CTNND2: variants seen among roughly 807,000 people sequenced by gnomAD.
CTNND2 encodes catenin delta 2.
Under a neutral mutation model 144.4 loss-of-function variants are expected in CTNND2, and 22 were observed. The observed-to-expected ratio is 0.15, with a 90% confidence interval of 0.11 to 0.22. The LOEUF (loss-of-function observed/expected upper bound fraction) is 0.22. Among genes scored for constraint, CTNND2 ranks in the 10% least tolerant of loss-of-function variants. The pLI is 1.00. For missense variants in CTNND2, 1,353 were observed against 1,618.8 expected (o/e 0.84, Z 2.82); for synonymous variants, 751 against 695.6 (o/e 1.08, Z -1.25).
chr5:11,157,651 G>C (rs1580445349), intron 12 of CTNND2, among the ~76,000 whole-genome samples: 2 of 152,310 alleles, frequency 1.3e-5, no homozygotes, highest in African/African-American at 2.4e-5. Flanking sequence ...AGTGATCTTG[G>C]CTTTGTTGGA....
chr5:11,390,520 T>A (rs1759537368), intron 6 of CTNND2, among the ~76,000 whole-genome samples: 1 of 152,232 alleles, frequency 6.6e-6, no homozygotes, highest in Non-Finnish European at 1.5e-5. Context: ...CTCTAAGGAA[T>A]CTTGACTTCT....
chr5:11,200,874 T>C (rs1455858795), intron 10 of CTNND2, among the ~76,000 whole-genome samples: 1 of 151,800 alleles, frequency 6.6e-6, no homozygotes, highest in Non-Finnish European at 1.5e-5. Context: ...AGAGACAGGG[T>C]TTCACCGTAT....
At chr5:11,352,215 C>A (rs1368698228) in intron 8 of CTNND2, among the ~76,000 whole-genome samples, 1 of 152,108 alleles carries the variant, frequency 6.6e-6, no homozygotes, top group Non-Finnish European at 1.5e-5. Flanking sequence ...GTTTTCCCTG[C>A]TTTTATTGGA....
chr5:11,827,128 C>T (rs1478628110), intron 1 of CTNND2, among the ~76,000 whole-genome samples: 1 of 152,000 alleles, frequency 6.6e-6, no homozygotes, highest in Non-Finnish European at 1.5e-5. Context: ...AAAACATTCC[C>T]TCTAAACAAA....
At chr5:10,984,341 G>A (rs1022179308) in intron 20 of CTNND2, among the ~76,000 whole-genome samples, 1 of 152,212 alleles carries the variant, frequency 6.6e-6, no homozygotes, top group East Asian at 1.9e-4. Flanking sequence ...TCTGCCTTCA[G>A]AGCTATAATT....
chr5:11,839,754 A>G (rs1020151795), intron 1 of CTNND2, among the ~76,000 whole-genome samples: 3 of 151,400 alleles, frequency 2.0e-5, no homozygotes, highest in African/African-American at 7.3e-5. Context: ...TGTCTCCAGA[A>G]AGAGAGAGAG....
intron 18 of CTNND2, among the ~76,000 whole-genome samples, chr5:11,015,327 A>G (rs1332947873): frequency 6.6e-6 from 1 of 152,244 alleles, no homozygotes; most frequent in East Asian, 1.9e-4. Context: ...CACTGGGCAC[A>G]AAGATCTTCC....
At position 11,259,394 on chromosome 5, in the gene CTNND2, C is replaced by A. The variant is rs1205624555; in HGVS notation, c.1629-22571G>T. ...GAAGATGCTAGGTCAATTGCCCCTG[C>A]TGAGCTCCCAGTTGACAGCAGTTTC... On this transcript the variant is annotated intron_variant, in intron 9 of 21. Coordinates refer to ENST00000304623, the MANE Select transcript of CTNND2 (RefSeq NM_001332.4). Among the ~76,000 whole-genome samples the A allele has an allele frequency of 2.6e-5, 4 of 152,176 alleles. No individual in the cohort carries two copies. In the East Asian group the frequency reaches 7.7e-4, roughly 29 times the overall value.
intron 21 of CTNND2, among the ~76,000 whole-genome samples, chr5:10,974,609 C>A (rs1166413497): frequency 6.6e-6 from 1 of 152,124 alleles, no homozygotes; most frequent in Non-Finnish European, 1.5e-5. Context: ...TGAGGTTAAC[C>A]CTACAGCAAG....
intron 7 of CTNND2, among the ~76,000 whole-genome samples, chr5:11,372,274 T>A (rs1048326558): frequency 9.2e-5 from 14 of 152,214 alleles, no homozygotes; most frequent in African/African-American, 3.4e-4. Flanking sequence ...TAGAAAAGTA[T>A]ATGCCCCTTG....
At chr5:11,190,904 A>G (rs1247012538) in intron 11 of CTNND2, among the ~76,000 whole-genome samples, 2 of 152,234 alleles carry the variant, frequency 1.3e-5, no homozygotes, top group Non-Finnish European at 2.9e-5. Context: ...GGAAAAGTAG[A>G]AGGCAGGCAG....
chr5:11,713,866 A>T (rs1397254974), intron 2 of CTNND2, among the ~76,000 whole-genome samples: 1 of 152,154 alleles, frequency 6.6e-6, no homozygotes, highest in Admixed American at 6.5e-5. Flanking sequence ...TAAACTTGCC[A>T]TCTTTAGTGA....
At chr5:11,164,803 T>C (rs1184180153) in intron 11 of CTNND2, among the ~76,000 whole-genome samples, 1 of 152,230 alleles carries the variant, frequency 6.6e-6, no homozygotes, top group Non-Finnish European at 1.5e-5. Context: ...AGATCTCCTA[T>C]TTAATTTCAG....
At position 11,805,740 on chromosome 5, in the gene CTNND2, G is replaced by T. The variant is rs140555541; in HGVS notation, c.38-73468C>A. On this transcript the variant is annotated intron_variant, in intron 1 of 21. Coordinates refer to ENST00000304623, the MANE Select transcript of CTNND2 (RefSeq NM_001332.4). Reference sequence around the variant, plus strand: ...GGAGAAACAACAAATCTCCCATGCAGAATTCCACGTAACTCACATAGAACA... The same window carrying T: ...GGAGAAACAACAAATCTCCCATGCATAATTCCACGTAACTCACATAGAACA... Among the ~76,000 whole-genome samples, 64 of 152,234 alleles carry T rather than the reference G, an allele frequency of 4.2e-4. No individual in the cohort carries two copies. In the East Asian group the frequency reaches 0.012, roughly 29 times the overall value.
At chr5:11,234,777 T>C (rs949917796) in intron 10 of CTNND2, among the ~76,000 whole-genome samples, 2 of 152,202 alleles carry the variant, frequency 1.3e-5, no homozygotes, top group South Asian at 2.1e-4. Flanking sequence ...AGTCTGACTC[T>C]ATCTCTTGAT....
chr5:11,886,632 G>A (rs62339961), intron 1 of CTNND2, among the ~76,000 whole-genome samples: 6,592 of 152,186 alleles, frequency 0.043, 204 homozygotes, highest in Middle Eastern at 0.13. Flanking sequence ...TAGGCATCTT[G>A]TATTTACATT....
At chr5:11,394,772 T>C (rs943625608) in intron 6 of CTNND2, among the ~76,000 whole-genome samples, 1 of 152,244 alleles carries the variant, frequency 6.6e-6, no homozygotes, top group African/African-American at 2.4e-5. Context: ...TAAGCATTTA[T>C]TACGCTGAAT....
chr5:11,801,755 T>C (rs961244948), intron 1 of CTNND2, among the ~76,000 whole-genome samples: 4 of 152,206 alleles, frequency 2.6e-5, no homozygotes, highest in Non-Finnish European at 5.9e-5. Context: ...AGTAATTCTA[T>C]AGCATCCAAT....
intron 12 of CTNND2, among the ~76,000 whole-genome samples, chr5:11,131,505 C>T (rs915729081): frequency 2.0e-5 from 3 of 152,132 alleles, no homozygotes; most frequent in Admixed American, 6.5e-5. Context: ...ACAGCCTTTC[C>T]GGCTGGGCAC....
Sources: gnomAD v4.1 joint callset for allele counts (sites outside exome capture counted in the v4.1 genomes callset) on GRCh38, gnomAD v4.1.1 for gene constraint, MANE v1.5 for transcripts, NCBI Gene and HGNC (gene_info 2026-07-23, HGNC 2026-07-21) for gene names.